Variants in MACROD2 observed in about 807,000 individuals in gnomAD.
MACROD2 encodes the protein mono-ADP ribosylhydrolase 2.
In MACROD2, 36 loss-of-function variants were observed where a neutral mutation model predicts 70.4. The ratio of observed to expected loss-of-function variants is 0.51; its 90% CI spans 0.39 to 0.68. MACROD2 has a LOEUF of 0.68. Among genes scored for constraint, MACROD2 ranks in the 30% least tolerant of loss-of-function variants. MACROD2 has a pLI of 0.00. For missense variants in MACROD2, 496 were observed against 538.4 expected, an observed-to-expected ratio of 0.92 and a Z score of 0.78; for synonymous variants, 172 against 178.8, an observed-to-expected ratio of 0.96 and a Z score of 0.30.
intron 6 of MACROD2, among the ~76,000 whole-genome samples, chr20:15,328,280 C>T (rs543484084): frequency 7.9e-5 from 12 of 152,014 alleles, no homozygotes; most frequent in Non-Finnish European, 1.3e-4. Context: ...TCTGGCTGGA[C>T]ACTGTGGCCA....
At chr20:15,798,241 A>G (rs550217666) in intron 8 of MACROD2, among the ~76,000 whole-genome samples, 7 of 152,172 alleles carry the variant, frequency 4.6e-5, no homozygotes, top group African/African-American at 9.7e-5. Flanking sequence ...CTGTCCCACA[A>G]TGTCTGGGGC....
At chr20:15,533,579 CTCTT>C (rs1231671309) in intron 8 of MACROD2, among the ~76,000 whole-genome samples, 3 of 137,528 alleles carry the variant, frequency 2.2e-5, no homozygotes, top group Non-Finnish European at 4.7e-5. Context: ...CTCTCTCTCT[CTCTT>C]TTTAAGAAGA....
At chr20:14,046,692 C>T (rs6079271) in intron 2 of MACROD2, among the ~76,000 whole-genome samples, 28,237 of 151,538 alleles carry the variant, frequency 0.19, 3,123 homozygotes, top group Non-Finnish European at 0.25. Context: ...CTTCCTTTTT[C>T]CCCTTTACTC....
In MACROD2 at chr20:14,525,391, G is replaced by A. The variant is rs139488646; in HGVS notation, c.301+31883G>A. 7.7e-4 allele frequency among the ~76,000 whole-genome samples: 118 copies of A among 152,300 alleles called. No homozygotes were observed. In the East Asian group the frequency reaches 0.018, roughly 23 times the overall value. On this transcript the variant is annotated intron_variant, in intron 4 of 17. Coordinates refer to ENST00000684519, the MANE Select transcript of MACROD2 (RefSeq NM_001351661.2). ...GATGATCACTAATGTTTATTAAGCA[G>A]CCTTCATGTAGCAGGTGCTGCGTTA...
At chr20:15,474,026 C>G (rs745314244) in intron 7 of MACROD2, among the ~76,000 whole-genome samples, 31 of 152,280 alleles carry the variant, frequency 2.0e-4, no homozygotes, top group Non-Finnish European at 3.7e-4. Context: ...CAAACTCATG[C>G]CATTGCGGAC....
At chr20:15,902,706 C>T (rs2065083407) in intron 10 of MACROD2, among the ~76,000 whole-genome samples, 1 of 152,052 alleles carries the variant, frequency 6.6e-6, no homozygotes, top group African/African-American at 2.4e-5. Context: ...TGGCAAGGAG[C>T]TGAGGCCCCC....
At chr20:14,883,330 G>A (rs186951947) in intron 5 of MACROD2, among the ~76,000 whole-genome samples, 1 of 151,924 alleles carries the variant, frequency 6.6e-6, no homozygotes, top group East Asian at 1.9e-4. Context: ...CTACAATGTG[G>A]GTGTATTTTC....
intron 3 of MACROD2, among the ~76,000 whole-genome samples, chr20:14,383,618 G>A (rs1461982795): frequency 6.6e-6 from 1 of 152,166 alleles, no homozygotes; most frequent in African/African-American, 2.4e-5. Flanking sequence ...ATGTAAATCA[G>A]TTTGCCTGAT....
intron 5 of MACROD2, among the ~76,000 whole-genome samples, chr20:15,040,198 C>T (rs1252140325): frequency 6.6e-6 from 1 of 151,932 alleles, no homozygotes; most frequent in Admixed American, 6.6e-5. Flanking sequence ...GCCTGTAGTC[C>T]CAGCTACTAG....
At chr20:14,844,351 TA>T (rs2073117430) in intron 5 of MACROD2, among the ~76,000 whole-genome samples, 4 of 151,674 alleles carry the variant, frequency 2.6e-5, no homozygotes, top group African/African-American at 9.7e-5. Flanking sequence ...TCATCTCTAC[TA>T]AAAGTACAAA....
chr20:14,367,943 C>T (rs1275271727), intron 3 of MACROD2, among the ~76,000 whole-genome samples: 4 of 152,036 alleles, frequency 2.6e-5, no homozygotes, highest in Non-Finnish European at 5.9e-5. Context: ...TCTTTGATTC[C>T]ATTCATTTAT....
intron 3 of MACROD2, among the ~76,000 whole-genome samples, chr20:14,491,106 G>T (rs2084788452): frequency 6.6e-6 from 1 of 152,150 alleles, no homozygotes; most frequent in African/African-American, 2.4e-5. Flanking sequence ...AATGGAAGAA[G>T]TAACGTGAAG....
intron 4 of MACROD2, among the ~76,000 whole-genome samples, chr20:14,521,241 G>C (rs1302948206): frequency 6.6e-6 from 1 of 152,172 alleles, no homozygotes; most frequent in South Asian, 2.1e-4. Context: ...CAGAGCAAAA[G>C]CCTCTGTTGT....
chr20:15,549,705 A>C lies in MACROD2; in HGVS notation c.645+49858A>C, dbSNP rs532322503. ...CACTTTTCTTGTCTGCCCCAGTCCC[A>C]GTCGTCATATCCTATAATCGAAGCA... On this transcript the variant is annotated intron_variant, in intron 8 of 17. Coordinates refer to ENST00000684519, the MANE Select transcript of MACROD2 (RefSeq NM_001351661.2). Among the ~76,000 whole-genome samples, 7 of 152,266 alleles carry C rather than the reference A, an allele frequency of 4.6e-5. No homozygotes were observed. In the East Asian group the frequency reaches 1.4e-3, roughly 30 times the overall value.
chr20:14,929,291 A>G (rs1382694639), intron 5 of MACROD2: 1 of 152,196 alleles, frequency 6.6e-6, no homozygotes, highest in Non-Finnish European at 1.5e-5. Flanking sequence ...CTGACAGGCT[A>G]TAAATCAGAG....
At chr20:14,553,771 C>T (rs1474629369) in intron 4 of MACROD2, among the ~76,000 whole-genome samples, 1 of 152,168 alleles carries the variant, frequency 6.6e-6, no homozygotes, top group African/African-American at 2.4e-5. Flanking sequence ...TCATGGGAAG[C>T]TGGATAATGA....
At chr20:15,867,555 A>G (rs1175624435) in intron 9 of MACROD2, among the ~76,000 whole-genome samples, 3 of 152,212 alleles carry the variant, frequency 2.0e-5, no homozygotes, top group East Asian at 1.9e-4. Context: ...GATTCAACTC[A>G]GAAATCTCTT....
intron 8 of MACROD2, among the ~76,000 whole-genome samples, chr20:15,760,153 AT>A (rs545923576): frequency 9.6e-4 from 147 of 152,338 alleles, no homozygotes; most frequent in African/African-American, 3.3e-3. Context: ...CCTCAGGGTC[AT>A]ATCTGATCCT....
At chr20:15,576,243 C>T (rs1213757600) in intron 8 of MACROD2, among the ~76,000 whole-genome samples, 1 of 152,120 alleles carries the variant, frequency 6.6e-6, no homozygotes, top group Admixed American at 6.6e-5. Context: ...CATCACCCCC[C>T]AAAAGCACCT....
Sources: gnomAD v4.1 joint callset for allele counts (sites outside exome capture counted in the v4.1 genomes callset) on GRCh38, gnomAD v4.1.1 for gene constraint, MANE v1.5 for transcripts, NCBI Gene and HGNC (gene_info 2026-07-23, HGNC 2026-07-21) for gene names.